The following LRBA variants were observed in gnomAD, a reference collection of about 807,000 sequenced individuals.
The protein encoded by LRBA is LPS responsive beige-like anchor protein.
A neutral mutation model predicts 330.0 loss-of-function variants in LRBA; 176 were observed. The ratio of observed to expected loss-of-function variants is 0.53; its 90% CI spans 0.47 to 0.60. The LOEUF (loss-of-function observed/expected upper bound fraction) is 0.60. Among genes scored for constraint, LRBA ranks in the 20% least tolerant of loss-of-function variants. LRBA has a pLI of 0.00. For missense variants in LRBA, 3,259 were observed against 3,444.8 expected, an observed-to-expected ratio of 0.95 and a Z score of 1.35; for synonymous variants, 1,230 against 1,193.0, an observed-to-expected ratio of 1.03 and a Z score of -0.64.
intron 53 of LRBA, among the ~76,000 whole-genome samples, chr4:150,293,733 T>C (rs1728619657): frequency 6.6e-6 from 1 of 152,216 alleles, no homozygotes; most frequent in Admixed American, 6.5e-5. Flanking sequence ...TTGAACAACA[T>C]AGGTTTGAAC....
chr4:150,519,843 C>T (rs1762737374), intron 40 of LRBA, among the ~76,000 whole-genome samples: 1 of 152,164 alleles, frequency 6.6e-6, no homozygotes, highest in Non-Finnish European at 1.5e-5. Context: ...AGTTCCTACA[C>T]ATCCTAGCTA....
chr4:150,367,758 T>G (rs1739664586), intron 47 of LRBA, among the ~76,000 whole-genome samples: 1 of 152,198 alleles, frequency 6.6e-6, no homozygotes, highest in South Asian at 2.1e-4. Context: ...TAAGCTACTT[T>G]TAGTAATGCA....
At chr4:150,339,886 C>A (rs1213517036) in intron 48 of LRBA, among the ~76,000 whole-genome samples, 1 of 147,494 alleles carries the variant, frequency 6.8e-6, no homozygotes, top group Non-Finnish European at 1.5e-5. Context: ...GGTTTGGCTG[C>A]GTCCCTACCC....
At chr4:150,345,001 C>T (rs1427686898) in intron 48 of LRBA, among the ~76,000 whole-genome samples, 1 of 152,198 alleles carries the variant, frequency 6.6e-6, no homozygotes. Flanking sequence ...GCAGTTGCCT[C>T]TGTGTAGGTA....
At chr4:150,504,944 G>A (rs1175671563) in intron 40 of LRBA, among the ~76,000 whole-genome samples, 2 of 152,080 alleles carry the variant, frequency 1.3e-5, no homozygotes, top group Non-Finnish European at 2.9e-5. Flanking sequence ...TGAGAAAACA[G>A]ACTTTAAACC....
rs33987955 is a variant in LRBA, at chr4:150,339,844, CT to C, written c.7362+10147del. ...CTGGAAATTTACGTTGCTCCTTTTC[CT>C]TTTTTTTTTTTTTTGCTATTATGAT... On this transcript the variant is annotated intron_variant, in intron 48 of 56. Transcript: ENST00000651943. Among the ~76,000 whole-genome samples the C allele has an allele frequency of 2.7e-3, 366 of 136,932 alleles. 1 individual carries two copies. The highest frequency in any genetic ancestry group is 4.0e-3 in the South Asian group (17 of 4,264). The allele number at this position is 136,932 out of a possible 152,430, so 89.8% of individuals were successfully genotyped here.
rs70941406 is a variant in LRBA at position 150,443,853 on chromosome 4, A to AAAAATATATATATAT, written c.6781-6990_6781-6989insATATATATATATTTT. 2.6e-3 allele frequency among the ~76,000 whole-genome samples: 196 copies of AAAAATATATATATAT among 75,348 alleles called. 1 individual carries two copies. The highest frequency in any genetic ancestry group is 4.4e-3 in the Non-Finnish European group (148 of 33,464). The allele number at this position is 75,348 out of a possible 152,430, so 49.4% of individuals were successfully genotyped here. On this transcript the variant is annotated intron_variant, in intron 44 of 56. Transcript: ENST00000651943. ...CTAGAACTTAAAGTATAATTAAAAA[A>AAAAATATATATATAT]ATATATATATATATATATATTTTTT...
chr4:150,418,113 C>CT (rs1748055719), intron 46 of LRBA, among the ~76,000 whole-genome samples: 3 of 151,162 alleles, frequency 2.0e-5, no homozygotes, highest in Admixed American at 2.0e-4. Context: ...TAACCTCAAA[C>CT]TTTAATCGAT....
chr4:150,438,476 C>G (rs1262334097), intron 44 of LRBA, among the ~76,000 whole-genome samples: 1 of 151,964 alleles, frequency 6.6e-6, no homozygotes, highest in Non-Finnish European at 1.5e-5. Flanking sequence ...TGGAGAGAGT[C>G]CCTGTCCTGT....
At chr4:150,359,808 G>A (rs984530203) in intron 47 of LRBA, among the ~76,000 whole-genome samples, 3 of 151,734 alleles carry the variant, frequency 2.0e-5, no homozygotes, top group African/African-American at 2.4e-5. Context: ...GTGAAACCCC[G>A]TCTCTACTAA....
At position 150,473,893 on chromosome 4, in the gene LRBA, A is replaced by G. The variant is rs201108701; in HGVS notation, c.6552-2154T>C. On this transcript the variant is annotated intron_variant, in intron 42 of 56. Coordinates refer to ENST00000651943, the MANE Select transcript of LRBA (RefSeq NM_001364905.1). ...TAATAAAAAGTGCTTTATCAGACAC[A>G]TGATATACAAATGTTGTATCAGTCT... Among the ~76,000 whole-genome samples, 9 of 152,334 alleles carry G rather than the reference A, an allele frequency of 5.9e-5. No homozygotes were observed. The East Asian group carries it at 1.7e-3, about 29-fold the overall frequency.
At chr4:150,413,366 G>C (rs1177487478) in intron 47 of LRBA, among the ~76,000 whole-genome samples, 1 of 151,470 alleles carries the variant, frequency 6.6e-6, no homozygotes, top group East Asian at 1.9e-4. Flanking sequence ...ATTTATAATA[G>C]CCCAAACTAG....
intron 15 of LRBA, 36 bp downstream of exon 15, chr4:150,897,703 A>G (rs1367656154): frequency 1.4e-6 from 2 of 1,414,656 alleles, no homozygotes; most frequent in African/African-American, 1.4e-5. Context: ...AACCTTCAAT[A>G]CACGGTATGC....
intron 44 of LRBA, among the ~76,000 whole-genome samples, chr4:150,452,627 A>C (rs1242573808): frequency 7.1e-5 from 3 of 42,418 alleles, no homozygotes; most frequent in Non-Finnish European, 1.5e-4. Context: ...ATCTCAAAGG[A>C]AAAAAAAAAA....
At position 150,852,693 on chromosome 4, in the gene LRBA, T is replaced by A. The variant is rs376894769; in HGVS notation, c.3017A>T (p.Asn1006Ile). 4 of 1,613,960 alleles carry A rather than the reference T, an allele frequency of 2.5e-6. No individual in the cohort carries two copies. The African/African-American group carries it at 5.3e-5, about 22-fold the overall frequency. The change falls in exon 23 of 57, where the codon AAT becomes ATT. Residue 1006 changes from asparagine to isoleucine, a missense_variant. Coordinates refer to ENST00000651943, the MANE Select transcript of LRBA (RefSeq NM_001364905.1). ...TGTATTAGTAGTTTGCAGTTCAATATTAGATGCAGATTCTAGTGAACTTGT... is the reference window on the plus strand; with the variant it reads ...TGTATTAGTAGTTTGCAGTTCAATAATAGATGCAGATTCTAGTGAACTTGT... ...EKTSSLESAS[N>I]IELQTTNTSY...
chr4:150,394,934 T>C (rs1017100786), intron 47 of LRBA, among the ~76,000 whole-genome samples: 1 of 152,096 alleles, frequency 6.6e-6, no homozygotes, highest in Non-Finnish European at 1.5e-5. Flanking sequence ...TGCAGGAGCA[T>C]AACACAATTG....
chr4:150,679,811 T>C (rs2126900120), intron 37 of LRBA: 1 of 152,344 alleles, frequency 6.6e-6, no homozygotes, highest in South Asian at 2.1e-4. Context: ...AAATAATTTA[T>C]GTCTCTAGCT....
chr4:150,469,857 C>A (rs1007223619), intron 43 of LRBA, among the ~76,000 whole-genome samples: 24 of 152,084 alleles, frequency 1.6e-4, no homozygotes, highest in African/African-American at 5.8e-4. Flanking sequence ...CTCTCTGCCC[C>A]AACCCATCTT....
chr4:150,700,868 C>T (rs1785055236), intron 36 of LRBA, among the ~76,000 whole-genome samples: 1 of 151,796 alleles, frequency 6.6e-6, no homozygotes, highest in South Asian at 2.1e-4. Context: ...AGTGATTCTC[C>T]CACTTCAGCT....
Sources: allele counts gnomAD v4.1 joint callset (sites outside exome capture counted in the v4.1 genomes callset), GRCh38; gene constraint gnomAD v4.1.1; transcripts MANE v1.5; gene names NCBI Gene and HGNC (gene_info 2026-07-23, HGNC 2026-07-21).